Variants in CWH43 observed in about 807,000 individuals in gnomAD.
CWH43 encodes the protein cell wall biogenesis 43 C-terminal homolog.
In CWH43, 91 loss-of-function variants were observed where a neutral mutation model predicts 85.7. The observed-to-expected ratio is 1.06, with a 90% CI of 0.90 to 1.26. The LOEUF (loss-of-function observed/expected upper bound fraction) is 1.26. Ranked by LOEUF, CWH43 falls within the 50% of genes most tolerant of loss-of-function variation. CWH43 has a pLI of 0.00. For missense variants in CWH43, 869 were observed against 839.2 expected (o/e 1.04, Z -0.44); for synonymous variants, 323 against 293.6 (o/e 1.10, Z -1.02).
intron 2 of CWH43, among the ~76,000 whole-genome samples, chr4:48,990,705 T>A (rs766482778): frequency 1.3e-5 from 2 of 152,150 alleles, no homozygotes; most frequent in South Asian, 4.1e-4. Context: ...ATAAGAAATA[T>A]AAAATGGCAC....
chr4:49,044,124 C>T (rs1037777157), intron 13 of CWH43, among the ~76,000 whole-genome samples: 1 of 152,036 alleles, frequency 6.6e-6, no homozygotes, highest in African/African-American at 2.4e-5. Context: ...TCAGAATAAA[C>T]ACCTCATATT....
chr4:49,003,803 G>A lies in CWH43; in HGVS notation c.871G>A (p.Ala291Thr), dbSNP rs773284498. ...WAAAVSGCVF[A>T]IFTASMWPQT... Reference sequence around the variant, plus strand: ...AGCTGCTGTGTCTGGCTGTGTCTTCGCCATCTTTACTGCATCCATGTGGCC... The same window carrying A: ...AGCTGCTGTGTCTGGCTGTGTCTTCACCATCTTTACTGCATCCATGTGGCC... The change falls in exon 7 of 16, where the codon GCC (alanine) becomes ACC (threonine). Residue 291 changes from alanine (A) to threonine (T), a missense_variant. This residue lies in a region of CWH43 where 577 missense variants were observed against 513.1 expected (regional missense o/e 1.12). Coordinates refer to ENST00000226432, the MANE Select transcript of CWH43 (RefSeq NM_025087.3). 17 of 1,613,868 alleles carry A rather than the reference G, an allele frequency of 1.1e-5. No homozygotes were observed. The Admixed American group carries it at 1.2e-4, about 11-fold the overall frequency.
intron 8 of CWH43, chr4:49,017,047 C>T (rs1422931401): frequency 3.9e-5 from 29 of 741,904 alleles, no homozygotes; most frequent in South Asian, 3.0e-4. Context: ...ACCACCTCAG[C>T]GTCGGCTGGC....
chr4:49,011,550 C>T (rs1783359997), intron 8 of CWH43, among the ~76,000 whole-genome samples: 1 of 152,204 alleles, frequency 6.6e-6, no homozygotes, highest in Non-Finnish European at 1.5e-5. Context: ...GCAGTTTCTT[C>T]ATAGCATCGA....
At chr4:49,037,624 G>T (rs1417032169) in intron 12 of CWH43, among the ~76,000 whole-genome samples, 2 of 151,914 alleles carry the variant, frequency 1.3e-5, no homozygotes, top group Non-Finnish European at 2.9e-5. Flanking sequence ...AGCCTGATGG[G>T]CTCTGTGAAT....
intron 15 of CWH43, among the ~76,000 whole-genome samples, chr4:49,055,452 T>C (rs1346261042): frequency 6.6e-6 from 1 of 152,180 alleles, no homozygotes; most frequent in African/African-American, 2.4e-5. Context: ...ATTAGGGATA[T>C]TGGCTTATCA....
At chr4:49,032,465 G>T in intron 11 of CWH43, 101 bp from the exon 12 acceptor site, 1 of 1,322,706 alleles carries the variant, frequency 7.6e-7, no homozygotes, top group South Asian at 1.3e-5. Context: ...GGTGGGATGT[G>T]TGCAGTGGGA....
chr4:49,003,904 TC>T lies in CWH43; in HGVS notation c.973del (p.Leu325Ter). 6.2e-7 allele frequency: 1 copy of T among 1,613,924 alleles called. No homozygotes were observed. Reference sequence around the variant, plus strand: ...TGACCATTGCCATGATATTTTATCTTCTAGAAATATTTTTCTGTGCCTGGTG... The same window carrying T: ...TGACCATTGCCATGATATTTTATCTTTAGAAATATTTTTCTGTGCCTGGTG... Reference protein sequence around the residue: ...TMTIAMIFYLLEIFFCAWCTA... With the variant: ...TMTIAMIFYLXEIFFCAWCTA... On this transcript the variant is annotated frameshift_variant, in exon 7 of 16. Coordinates refer to ENST00000226432, the MANE Select transcript of CWH43 (RefSeq NM_025087.3). LOFTEE classifies it high-confidence loss of function.
At chr4:48,996,451 G>A (rs983977043) in intron 5 of CWH43, among the ~76,000 whole-genome samples, 4 of 152,270 alleles carry the variant, frequency 2.6e-5, no homozygotes, top group African/African-American at 9.6e-5. Context: ...AATGAATGTT[G>A]ATTACTTACT....
intron 8 of CWH43, chr4:49,016,709 G>A: frequency 2.6e-6 from 2 of 773,538 alleles, no homozygotes; most frequent in Non-Finnish European, 4.8e-6. Flanking sequence ...TATCTGTGAT[G>A]ACCTTTGCCT....
chr4:49,015,538 T>C (rs1484888350), intron 8 of CWH43, among the ~76,000 whole-genome samples: 1 of 152,188 alleles, frequency 6.6e-6, no homozygotes, highest in African/African-American at 2.4e-5. Context: ...TTTTCCTCCA[T>C]CTTGCTTGAT....
chr4:49,012,234 C>T (rs1783388138), intron 8 of CWH43, among the ~76,000 whole-genome samples: 1 of 152,172 alleles, frequency 6.6e-6, no homozygotes, highest in Admixed American at 6.5e-5. Context: ...GATCTTCAAT[C>T]ACTGATATCC....
rs763732169 is a variant in CWH43, at chr4:49,032,718, G to A, written c.1658+3G>A. 1 of 1,613,828 alleles carries A rather than the reference G, an allele frequency of 6.2e-7. No homozygotes were observed. Among genetic ancestry groups the A allele is most frequent in the Non-Finnish European group, 8.5e-7 (1 of 1,179,772 alleles). Reference sequence around the variant, plus strand: ...GTGACACACTTTGGGAACCACGAGTGGGTTTCTTTGGCCCACCTAATATTA... The same window carrying A: ...GTGACACACTTTGGGAACCACGAGTAGGTTTCTTTGGCCCACCTAATATTA... On this transcript the variant is annotated splice_donor_region_variant and intron_variant, in intron 12 of 15. Coordinates refer to ENST00000226432, the MANE Select transcript of CWH43 (RefSeq NM_025087.3).
At chr4:49,026,045 T>A (rs546484274) in intron 9 of CWH43, among the ~76,000 whole-genome samples, 1 of 152,284 alleles carries the variant, frequency 6.6e-6, no homozygotes, top group East Asian at 1.9e-4. Context: ...GAGATGGGTG[T>A]GTGGATCCTA....
chr4:49,013,397 C>T (rs1783432394), intron 8 of CWH43, among the ~76,000 whole-genome samples: 1 of 152,216 alleles, frequency 6.6e-6, no homozygotes, highest in South Asian at 2.1e-4. Context: ...TACAGTCTGT[C>T]ATGGCTTGCC....
Position 49,061,959 on chromosome 4 carries a change from G to T in CWH43, c.*69G>T, listed in dbSNP as rs1463332240. ...AAAAGTATGTAAGATAAAAAGAAGA[G>T]ATTAATGAAAGTGGGAAAATACACA... is the stretch of plus-strand genomic sequence containing the variant. On this transcript the variant is annotated 3_prime_UTR_variant, in exon 16 of 16. Coordinates refer to ENST00000226432, the MANE Select transcript of CWH43 (RefSeq NM_025087.3). 2 of 1,160,844 alleles carry T rather than the reference G, an allele frequency of 1.7e-6. No individual in the cohort carries two copies. The highest frequency in any genetic ancestry group is 7.3e-5 in the Admixed American group (2 of 27,446). 71.9% of individuals were successfully genotyped at this position (1,160,844 alleles called of 1,614,324 possible).
In CWH43 at chr4:48,992,093, A is replaced by C; in HGVS notation, c.511+3A>C. On this transcript the variant is annotated splice_donor_region_variant and intron_variant, in intron 4 of 15. Coordinates refer to ENST00000226432, the MANE Select transcript of CWH43 (RefSeq NM_025087.3). This position sits in a 1 kb window ranked among gnomAD's most constrained non-coding sequence, Gnocchi z 4.3. ...CACACTTGATCGTATTGGCACAGGT[A>C]ATACTGTAACTTAGGAATTTTCTCT... 2 of 1,608,342 alleles carry C rather than the reference A, an allele frequency of 1.2e-6. No homozygotes were observed. The highest frequency in any genetic ancestry group is 1.7e-6 in the Non-Finnish European group (2 of 1,176,072).
intron 15 of CWH43, among the ~76,000 whole-genome samples, chr4:49,051,885 T>G (rs1784810437): frequency 6.6e-6 from 1 of 152,120 alleles, no homozygotes; most frequent in Non-Finnish European, 1.5e-5. Flanking sequence ...CCTTGTTTTG[T>G]TTTTAAAAGA....
At chr4:48,990,825 C>A (rs12649432) in intron 2 of CWH43, among the ~76,000 whole-genome samples, 1 of 152,118 alleles carries the variant, frequency 6.6e-6, no homozygotes, top group East Asian at 1.9e-4. Flanking sequence ...TAAACTTGTA[C>A]ACAAATGTTC....
Sources: gnomAD v4.1 joint callset for allele counts (sites outside exome capture counted in the v4.1 genomes callset) on GRCh38, gnomAD v4.1.1 for gene constraint, gnomAD v4.1.1 regional missense constraint, Gnocchi (gnomAD v3.1) non-coding constraint, MANE v1.5 for transcripts, NCBI Gene and HGNC (gene_info 2026-07-23, HGNC 2026-07-21) for gene names.